XKR6: variants seen among roughly 807,000 people sequenced by gnomAD.
XKR6 encodes XK related 6.
XKR6 carries 22 observed loss-of-function variants against 56.7 expected under a neutral mutation model. The ratio of observed to expected loss-of-function variants is 0.39; its 90% CI spans 0.28 to 0.55. The LOEUF (loss-of-function observed/expected upper bound fraction) is 0.55. Among genes scored for constraint, XKR6 ranks in the 20% least tolerant of loss-of-function variants. The pLI is 0.66. For synonymous variants in XKR6, 524 were observed against 387.8 expected, an observed-to-expected ratio of 1.35 and a Z score of -4.13; for missense variants, 852 against 889.0, an observed-to-expected ratio of 0.96 and a Z score of 0.53.
At chr8:11,080,748 G>C (rs953255865) in intron 1 of XKR6, among the ~76,000 whole-genome samples, 10 of 152,250 alleles carry the variant, frequency 6.6e-5, no homozygotes, top group African/African-American at 2.4e-4. Flanking sequence ...AACCTAGTCA[G>C]AGGGACACTA....
At chr8:10,929,248 T>C (rs1323925789) in intron 1 of XKR6, among the ~76,000 whole-genome samples, 1 of 152,236 alleles carries the variant, frequency 6.6e-6, no homozygotes, top group Non-Finnish European at 1.5e-5. Context: ...ATTATGGGCA[T>C]TTGGCACATA....
intron 1 of XKR6, among the ~76,000 whole-genome samples, chr8:10,956,672 C>T (rs111344721): frequency 6.6e-6 from 1 of 152,098 alleles, no homozygotes; most frequent in Non-Finnish European, 1.5e-5. Context: ...AGGAGAACAG[C>T]GGATGTCAAA....
intron 1 of XKR6, among the ~76,000 whole-genome samples, chr8:11,120,215 G>T (rs949197513): frequency 9.2e-5 from 14 of 152,268 alleles, no homozygotes; most frequent in African/African-American, 3.4e-4. Context: ...GAAATAAAGG[G>T]CATTCAAGTA....
At chr8:10,972,198 G>T (rs1005105900) in intron 1 of XKR6, among the ~76,000 whole-genome samples, 1 of 152,094 alleles carries the variant, frequency 6.6e-6, no homozygotes, top group Non-Finnish European at 1.5e-5. Context: ...TTTGACTCTA[G>T]GTTCTATTTT....
chr8:10,989,889 TG>T (rs1210878841), intron 1 of XKR6, among the ~76,000 whole-genome samples: 1 of 152,234 alleles, frequency 6.6e-6, no homozygotes, highest in East Asian at 1.9e-4. Context: ...CTGTCACTTC[TG>T]GTATCTTTTG....
At chr8:11,170,795 C>A (rs1802327806) in intron 1 of XKR6, among the ~76,000 whole-genome samples, 1 of 152,190 alleles carries the variant, frequency 6.6e-6, no homozygotes, top group Non-Finnish European at 1.5e-5. Context: ...GGGGGCGCAA[C>A]AATAGCATCT....
At chr8:11,005,020 T>C (rs868175352) in intron 1 of XKR6, among the ~76,000 whole-genome samples, 26 of 152,174 alleles carry the variant, frequency 1.7e-4, no homozygotes, top group Admixed American at 5.9e-4. Context: ...GAACAGAATG[T>C]GGTACAGTCC....
At chr8:11,172,294 T>C (rs1177619013) in intron 1 of XKR6, among the ~76,000 whole-genome samples, 1 of 152,112 alleles carries the variant, frequency 6.6e-6, no homozygotes, top group Non-Finnish European at 1.5e-5. Context: ...CACCTGAGCC[T>C]GGGAGGTCGA....
chr8:11,074,783 C>T (rs116628444), intron 1 of XKR6, among the ~76,000 whole-genome samples: 2,011 of 152,336 alleles, frequency 0.013, 47 homozygotes, highest in African/African-American at 0.046. Context: ...CACCAGACCT[C>T]TGTGATAGGA....
At chr8:10,928,677 C>T (rs1800969722) in intron 1 of XKR6, among the ~76,000 whole-genome samples, 1 of 152,210 alleles carries the variant, frequency 6.6e-6, no homozygotes, top group South Asian at 2.1e-4. Flanking sequence ...CACAGGCCCG[C>T]GCCCTCTTCT....
intron 1 of XKR6, among the ~76,000 whole-genome samples, chr8:11,084,088 T>C (rs1797809795): frequency 6.6e-6 from 1 of 152,234 alleles, no homozygotes; most frequent in Non-Finnish European, 1.5e-5. Context: ...TTTGGATACT[T>C]TCCTCTAAGC....
chr8:11,124,460 G>C (rs1799654634), intron 1 of XKR6: 1 of 164,522 alleles, frequency 6.1e-6, no homozygotes, highest in Non-Finnish European at 1.3e-5. Flanking sequence ...AGCAGAAGCT[G>C]AAAAAACAAT....
At chr8:10,992,102 C>A (rs973441759) in intron 1 of XKR6, among the ~76,000 whole-genome samples, 2 of 152,182 alleles carry the variant, frequency 1.3e-5, no homozygotes, top group Non-Finnish European at 2.9e-5. Context: ...AAGGTCTGCA[C>A]TATTCAGGGG....
At chr8:11,112,554 C>G (rs1798954563) in intron 1 of XKR6, among the ~76,000 whole-genome samples, 1 of 152,150 alleles carries the variant, frequency 6.6e-6, no homozygotes, top group Non-Finnish European at 1.5e-5. Context: ...AAAGACCATG[C>G]TACTTAGACC....
intron 1 of XKR6, among the ~76,000 whole-genome samples, chr8:10,975,333 T>G (rs1802522626): frequency 6.6e-6 from 1 of 152,182 alleles, no homozygotes; most frequent in South Asian, 2.1e-4. Flanking sequence ...CACAGTGCAT[T>G]GAGGCCAGCT....
At chr8:11,037,598 G>A (rs568453809) in intron 1 of XKR6, among the ~76,000 whole-genome samples, 10 of 152,344 alleles carry the variant, frequency 6.6e-5, no homozygotes, top group African/African-American at 2.2e-4. Flanking sequence ...AGTGGCTCAC[G>A]CCTGTAATCC....
intron 1 of XKR6, among the ~76,000 whole-genome samples, chr8:11,012,991 T>G (rs11779199): frequency 0.36 from 55,147 of 151,980 alleles, 10,788 homozygotes; most frequent in Middle Eastern, 0.48. Flanking sequence ...TAACAAGATA[T>G]TTGCCTGTAG....
At chr8:11,160,895 G>A (rs986516213) in intron 1 of XKR6, among the ~76,000 whole-genome samples, 3 of 102,214 alleles carry the variant, frequency 2.9e-5, no homozygotes, top group Non-Finnish European at 5.2e-5. Context: ...CTGGGCAACA[G>A]AACGAGACTC....
intron 1 of XKR6, among the ~76,000 whole-genome samples, chr8:11,041,471 G>A (rs998197072): frequency 3.3e-5 from 5 of 151,856 alleles, no homozygotes; most frequent in Non-Finnish European, 5.9e-5. Context: ...CAGGAGTATC[G>A]CTTGAACCTG....
Sources: allele counts gnomAD v4.1 joint callset (sites outside exome capture counted in the v4.1 genomes callset), GRCh38; gene constraint gnomAD v4.1.1; transcripts MANE v1.5; gene names NCBI Gene and HGNC (gene_info 2026-07-23, HGNC 2026-07-21).